FEZ1: variants seen among roughly 807,000 people sequenced by gnomAD.
FEZ1 encodes fasciculation and elongation protein zeta 1, also known as fasciculation and elongation protein zeta-1.
Under a neutral mutation model 49.3 loss-of-function variants are expected in FEZ1, and 20 were observed. That is an observed-to-expected ratio of 0.41 (90% confidence interval 0.29 to 0.59). The LOEUF (loss-of-function observed/expected upper bound fraction) is 0.59. FEZ1 is among the 20% of genes least tolerant of loss of function. The pLI is 0.36. For synonymous variants in FEZ1, 170 were observed against 180.9 expected (o/e 0.94, Z 0.48); for missense variants, 413 against 476.0 (o/e 0.87, Z 1.23).
At chr11:125,486,367 C>A (rs1456514907) in intron 2 of FEZ1, among the ~76,000 whole-genome samples, 4 of 152,122 alleles carry the variant, frequency 2.6e-5, no homozygotes, top group African/African-American at 9.7e-5. Flanking sequence ...GGCCCAATCT[C>A]TTATGGCAAA....
At position 125,443,767 on chromosome 11, in the gene FEZ1, AAGG is replaced by A. The variant is rs1374182039; in HGVS notation, c.*2325_*2327del. ...CTGATAGACGGACAAACAAGAGAGA[AAGG>A]AGGAGCCACTGTTTTCAGCCTGCCC... On this transcript the variant is annotated 3_prime_UTR_variant, in exon 10 of 10. Transcript: ENST00000278919. 3.9e-5 allele frequency among the ~76,000 whole-genome samples: 6 copies of A among 152,158 alleles called. No individual in the cohort carries two copies. Among genetic ancestry groups the A allele is most frequent in the African/African-American group, 1.4e-4 (6 of 41,440 alleles).
intron 8 of FEZ1, among the ~76,000 whole-genome samples, chr11:125,452,085 AT>A (rs201101307): frequency 7.5e-4 from 113 of 151,520 alleles, no homozygotes; most frequent in African/African-American, 2.6e-3. Context: ...TCACCAGCTC[AT>A]TTTTTTTTCC....
At chr11:125,464,103 G>A (rs550056605) in intron 3 of FEZ1, among the ~76,000 whole-genome samples, 2 of 152,354 alleles carry the variant, frequency 1.3e-5, no homozygotes, top group Non-Finnish European at 2.9e-5. Context: ...TGTCATAGCT[G>A]ATGGCAGATG....
At chr11:125,471,972 C>A (rs1212708735) in intron 3 of FEZ1, among the ~76,000 whole-genome samples, 3 of 152,072 alleles carry the variant, frequency 2.0e-5, no homozygotes, top group Non-Finnish European at 2.9e-5. Context: ...TATAAAACCT[C>A]CCAAGCACTT....
chr11:125,480,141 C>T (rs1186078169), intron 3 of FEZ1, among the ~76,000 whole-genome samples: 3 of 152,022 alleles, frequency 2.0e-5, no homozygotes, highest in African/African-American at 4.8e-5. Context: ...TTTGAGAGTC[C>T]GAGTTGGGTG....
At chr11:125,461,640 T>G (rs1012363748) in intron 4 of FEZ1, among the ~76,000 whole-genome samples, 1 of 152,222 alleles carries the variant, frequency 6.6e-6, no homozygotes, top group African/African-American at 2.4e-5. Context: ...TGACTTACTT[T>G]GTACATTAAT....
chr11:125,460,405 G>C, intron 5 of FEZ1, 93 bp downstream of exon 5: 1 of 1,103,040 alleles, frequency 9.1e-7, no homozygotes. Flanking sequence ...GAGGCAGTCA[G>C]GGTTCTATTA....
At chr11:125,460,074 TGACA>T (rs1268660089) in intron 5 of FEZ1, among the ~76,000 whole-genome samples, 5 of 151,818 alleles carry the variant, frequency 3.3e-5, no homozygotes, top group African/African-American at 9.7e-5. Context: ...CCAGCCTGGG[TGACA>T]GACAGAGAGA....
At chr11:125,491,081 A>G (rs1202819562) in intron 1 of FEZ1, among the ~76,000 whole-genome samples, 1 of 152,062 alleles carries the variant, frequency 6.6e-6, no homozygotes. Flanking sequence ...CCACACATAG[A>G]GCATATGCCT....
At chr11:125,488,491 C>T (rs1026619316) in intron 2 of FEZ1, among the ~76,000 whole-genome samples, 5 of 152,090 alleles carry the variant, frequency 3.3e-5, no homozygotes, top group South Asian at 4.2e-4. Context: ...CCAGCCTGGC[C>T]AACATGGTGA....
At position 125,445,085 on chromosome 11, in the gene FEZ1, G is replaced by C. The variant is rs1363488485; in HGVS notation, c.*1010C>G. ...GCATCCGGGATACGAGGAGACCTTC[G>C]CCTGCTGGTTGGTCAAGGCTGGCAG... On this transcript the variant is annotated 3_prime_UTR_variant, in exon 10 of 10. Coordinates refer to ENST00000278919, the MANE Select transcript of FEZ1 (RefSeq NM_005103.5). This position sits in a 1 kb window ranked among gnomAD's most constrained non-coding sequence, Gnocchi z 4.4. Among the ~76,000 whole-genome samples the C allele has an allele frequency of 1.3e-5, 2 of 152,302 alleles. No individual in the cohort carries two copies. The highest frequency in any genetic ancestry group is 4.8e-5 in the African/African-American group (2 of 41,564).
chr11:125,448,581 C>A lies in FEZ1; in HGVS notation c.1097-14G>T. 6.3e-7 allele frequency: 1 copy of A among 1,582,652 alleles called. No homozygotes were observed. The highest frequency in any genetic ancestry group is 8.7e-7 in the Non-Finnish European group (1 of 1,151,618). The stretch of plus-strand genomic sequence containing the variant: ...TGGCAAAGAGAACTAGGAAAGGAGA[C>A]AGAGAGAGGAACTAAGATACCATCT... On this transcript the variant is annotated splice_polypyrimidine_tract_variant and intron_variant, in intron 8 of 9. Transcript: ENST00000278919.
chr11:125,443,447 C>T lies in FEZ1; in HGVS notation c.*2648G>A, dbSNP rs527418610. 2.6e-5 allele frequency among the ~76,000 whole-genome samples: 4 copies of T among 152,292 alleles called. No homozygotes were observed. The South Asian group carries it at 8.3e-4, about 32-fold the overall frequency. On this transcript the variant is annotated 3_prime_UTR_variant, in exon 10 of 10. Coordinates refer to ENST00000278919, the MANE Select transcript of FEZ1 (RefSeq NM_005103.5). Reference sequence around the variant, plus strand: ...GGCAGAGTTTCTCTAATCCTTGATGCAAATACAAGTTGCAGGGAGATTTAG... The same window carrying T: ...GGCAGAGTTTCTCTAATCCTTGATGTAAATACAAGTTGCAGGGAGATTTAG...
chr11:125,468,653 G>C (rs530510376), intron 3 of FEZ1, among the ~76,000 whole-genome samples: 46 of 152,240 alleles, frequency 3.0e-4, no homozygotes, highest in African/African-American at 1.1e-3. Context: ...AAAGTGAACA[G>C]GAGAAAAGGC....
chr11:125,482,998 A>C (rs897501664), intron 2 of FEZ1, among the ~76,000 whole-genome samples: 1 of 150,080 alleles, frequency 6.7e-6, no homozygotes, highest in African/African-American at 2.4e-5. Flanking sequence ...AAAAAAAAAA[A>C]AAAAAACTAA....
intron 2 of FEZ1, chr11:125,488,844 T>G: frequency 1.0e-6 from 1 of 985,424 alleles, no homozygotes; most frequent in Non-Finnish European, 1.2e-6. Flanking sequence ...TCAGATCCCT[T>G]TTCTTGACTA....
chr11:125,469,732 G>GT (rs1395441868), intron 3 of FEZ1, among the ~76,000 whole-genome samples: 1 of 108,736 alleles, frequency 9.2e-6, no homozygotes, highest in Non-Finnish European at 1.9e-5. Context: ...CCCAGCTAAT[G>GT]CTTTTTTTTT....
chr11:125,478,830 A>G lies in FEZ1; in HGVS notation c.411+2704T>C, dbSNP rs577681902. Among the ~76,000 whole-genome samples, 6 of 152,348 alleles carry G rather than the reference A, an allele frequency of 3.9e-5. No homozygotes were observed. In the East Asian group the frequency reaches 1.2e-3, roughly 29 times the overall value. ...GAAATCTGGAAATGAGGATAAATTA[A>G]AGCCCTTTTGAAGGGCAGGCTATCT... On this transcript the variant is annotated intron_variant, in intron 3 of 9. Coordinates refer to ENST00000278919, the MANE Select transcript of FEZ1 (RefSeq NM_005103.5).
chr11:125,482,138 C>G (rs943760035), intron 2 of FEZ1, among the ~76,000 whole-genome samples: 1 of 152,066 alleles, frequency 6.6e-6, no homozygotes, highest in African/African-American at 2.4e-5. Context: ...AGTTTATAAC[C>G]GTTTCAGTTT....
Sources: gnomAD v4.1 joint callset for allele counts (sites outside exome capture counted in the v4.1 genomes callset) on GRCh38, gnomAD v4.1.1 for gene constraint, Gnocchi (gnomAD v3.1) non-coding constraint, MANE v1.5 for transcripts, NCBI Gene and HGNC (gene_info 2026-07-23, HGNC 2026-07-21) for gene names.